The following VGLL4 variants were observed in gnomAD, a reference collection of about 807,000 sequenced individuals.
The protein encoded by VGLL4 is transcription cofactor vestigial-like protein 4.
VGLL4 carries 7 observed loss-of-function variants against 21.0 expected under a neutral mutation model. That is an observed-to-expected ratio of 0.33 (90% confidence interval 0.19 to 0.63). VGLL4 has a LOEUF of 0.63. VGLL4 is among the 20% of genes least tolerant of loss of function. The pLI, the probability that VGLL4 is intolerant of heterozygous loss-of-function variation, is 0.78. For synonymous variants in VGLL4, 222 were observed against 173.2 expected, an observed-to-expected ratio of 1.28 and a Z score of -2.21; for missense variants, 394 against 425.7, an observed-to-expected ratio of 0.93 and a Z score of 0.66.
intron 1 of VGLL4, among the ~76,000 whole-genome samples, chr3:11,615,573 T>A (rs751847521): frequency 6.6e-6 from 1 of 152,242 alleles, no homozygotes; most frequent in Non-Finnish European, 1.5e-5. Flanking sequence ...TAGAAACAAG[T>A]AAGCTCCTCC....
upstream of VGLL4, among the ~76,000 whole-genome samples, chr3:11,644,989 T>C (rs2075766453): frequency 6.6e-6 from 1 of 151,534 alleles, no homozygotes; most frequent in African/African-American, 2.4e-5. Context: ...TTATTTTCAT[T>C]TGGCATGTAT....
chr3:11,698,168 C>T (rs1273021601), intron 2 of VGLL4, among the ~76,000 whole-genome samples: 1 of 152,094 alleles, frequency 6.6e-6, no homozygotes, highest in Non-Finnish European at 1.5e-5. Context: ...TAGCACCAAG[C>T]ACCTTGCCCT....
At chr3:11,593,887 G>A (rs1575428112) in intron 2 of VGLL4, among the ~76,000 whole-genome samples, 1 of 152,176 alleles carries the variant, frequency 6.6e-6, no homozygotes, top group South Asian at 2.1e-4. Context: ...TTGCTCAGTG[G>A]GTCTGTGGCA....
At chr3:11,711,184 T>A (rs1030132152) in intron 1 of VGLL4, among the ~76,000 whole-genome samples, 3 of 151,540 alleles carry the variant, frequency 2.0e-5, no homozygotes, top group African/African-American at 7.3e-5. Flanking sequence ...GTGGGCAGAT[T>A]ACCTGGGCCC....
At chr3:11,696,427 G>A (rs1322941029) in intron 2 of VGLL4, among the ~76,000 whole-genome samples, 1 of 152,120 alleles carries the variant, frequency 6.6e-6, no homozygotes, top group Non-Finnish European at 1.5e-5. Flanking sequence ...TGCCTCAATC[G>A]AGTCCACCTT....
At chr3:11,605,555 T>C (rs1417946869) in intron 1 of VGLL4, among the ~76,000 whole-genome samples, 1 of 151,990 alleles carries the variant, frequency 6.6e-6, no homozygotes, top group Non-Finnish European at 1.5e-5. Flanking sequence ...AGTTCATACA[T>C]CCTGCAAAAC....
chr3:11,659,304 GTTTTCTTTTCTTTTTCTTTTTCT>G (rs2076000464), intron 2 of VGLL4, among the ~76,000 whole-genome samples: 2 of 133,096 alleles, frequency 1.5e-5, no homozygotes, highest in African/African-American at 2.8e-5. Flanking sequence ...TTTTTTTTCT[GTTTTCTTTTCTTTTTCTTTTTCT>G]TTTTTTTTTT....
intron 1 of VGLL4, chr3:11,610,821 C>G (rs1351425973): frequency 6.6e-6 from 1 of 152,236 alleles, no homozygotes; most frequent in Non-Finnish European, 1.5e-5. Context: ...TAGAAGCCTT[C>G]CTGTATCTTC....
intron 2 of VGLL4, among the ~76,000 whole-genome samples, chr3:11,698,326 T>C (rs1201639893): frequency 2.0e-5 from 3 of 152,144 alleles, no homozygotes; most frequent in Non-Finnish European, 4.4e-5. Context: ...TTGGGCAACA[T>C]GGTGAAACCC....
chr3:11,694,802 ACAGAACCAAATCCGGCAGACTGG>A (rs1354095379), intron 2 of VGLL4, among the ~76,000 whole-genome samples: 9 of 152,310 alleles, frequency 5.9e-5, no homozygotes, highest in Admixed American at 5.2e-4. Context: ...GACTAACATT[ACAGAACCAAATCCGGCAGACTGG>A]CAGCATATGC....
At chr3:11,577,594 C>CA (rs1372627687) in intron 2 of VGLL4, among the ~76,000 whole-genome samples, 2 of 152,048 alleles carry the variant, frequency 1.3e-5, no homozygotes, top group Admixed American at 1.3e-4. Context: ...CCCCACCCCC[C>CA]AAAAAAACTG....
intron 2 of VGLL4, among the ~76,000 whole-genome samples, chr3:11,573,062 AG>A (rs1172340056): frequency 2.0e-5 from 3 of 151,766 alleles, no homozygotes; most frequent in Non-Finnish European, 2.9e-5. Flanking sequence ...GCTACTCCAG[AG>A]GCTGAGGGAG....
At chr3:11,671,606 TG>T (rs1290717352) in intron 2 of VGLL4, among the ~76,000 whole-genome samples, 1 of 152,180 alleles carries the variant, frequency 6.6e-6, no homozygotes, top group African/African-American at 2.4e-5. Context: ...CATTCCCATA[TG>T]GGGTGGTGGA....
intron 1 of VGLL4, among the ~76,000 whole-genome samples, chr3:11,627,641 A>G (rs2075383527): frequency 1.3e-5 from 2 of 151,730 alleles, no homozygotes; most frequent in African/African-American, 4.8e-5. Context: ...GAATAAGATC[A>G]TCGCAGTATT....
chr3:11,697,552 T>C (rs2076622251), intron 2 of VGLL4, among the ~76,000 whole-genome samples: 1 of 152,136 alleles, frequency 6.6e-6, no homozygotes, highest in Admixed American at 6.5e-5. Context: ...CATAAGAGGT[T>C]CACTTGGCTG....
At chr3:11,570,543 T>C (rs1362960889) in intron 2 of VGLL4, among the ~76,000 whole-genome samples, 1 of 152,216 alleles carries the variant, frequency 6.6e-6, no homozygotes, top group Admixed American at 6.5e-5. Context: ...GGTGACCACA[T>C]ACCAGATGTT....
chr3:11,640,082 T>C (rs1264600327), intron 1 of VGLL4, among the ~76,000 whole-genome samples: 3 of 152,312 alleles, frequency 2.0e-5, no homozygotes, highest in East Asian at 1.9e-4. Flanking sequence ...AGGCCCTGGA[T>C]AGCTCTGCAA....
chr3:11,709,132 G>A (rs2076801726), intron 1 of VGLL4, among the ~76,000 whole-genome samples: 1 of 151,982 alleles, frequency 6.6e-6, no homozygotes, highest in South Asian at 2.1e-4. Context: ...TGAGTGGAGT[G>A]TGGCTCTAGA....
At chr3:11,700,895 T>C (rs567355900) in intron 2 of VGLL4, among the ~76,000 whole-genome samples, 2 of 152,352 alleles carry the variant, frequency 1.3e-5, no homozygotes, top group Admixed American at 6.5e-5. Context: ...TCAATTTCTT[T>C]AGTAAGGAAT....
Sources: allele counts gnomAD v4.1 joint callset (sites outside exome capture counted in the v4.1 genomes callset), GRCh38; gene constraint gnomAD v4.1.1; transcripts MANE v1.5; gene names NCBI Gene and HGNC (gene_info 2026-07-23, HGNC 2026-07-21).